Variants in KCNK17 observed in about 807,000 individuals in gnomAD.
The protein encoded by KCNK17 is potassium channel subfamily K member 17.
KCNK17 carries 27 observed loss-of-function variants against 24.6 expected under a neutral mutation model. That is an observed-to-expected ratio of 1.10 (90% CI 0.81 to 1.51). The LOEUF is 1.51. Ranked by LOEUF, KCNK17 falls within the 40% of genes most tolerant of loss-of-function variation. The pLI is 0.00. For synonymous variants in KCNK17, 181 were observed against 189.8 expected (o/e 0.95, Z 0.38); for missense variants, 450 against 436.6 (o/e 1.03, Z -0.27).
chr6:39,305,852 G>A (rs1346442422), intron 2 of KCNK17, among the ~76,000 whole-genome samples: 1 of 152,254 alleles, frequency 6.6e-6, no homozygotes, highest in Admixed American at 6.5e-5. Flanking sequence ...CCTCTATGAA[G>A]AGAGTCTCTC....
chr6:39,299,290 T>C lies in KCNK17; in HGVS notation c.*137A>G. 1.5e-6 allele frequency: 1 copy of C among 667,166 alleles called. No homozygotes were observed. The highest frequency in any genetic ancestry group is 2.7e-5 in the East Asian group (1 of 36,746). 41.3% of individuals were successfully genotyped at this position (667,166 alleles called of 1,614,324 possible). A position where few individuals can be genotyped will look rare whatever the true frequency, so the allele number is the denominator to read the frequency against. On this transcript the variant is annotated 3_prime_UTR_variant, in exon 5 of 5. Transcript: ENST00000373231. ...CAGGACATGTCTCTGTATACCCTAT[T>C]GGGCAGAATTAATCATATAGCTGCA... is the stretch of plus-strand genomic sequence containing the variant.
In KCNK17 at chr6:39,301,928, G is replaced by A. The variant is rs192197735; in HGVS notation, c.688+2029C>T. ...GGACAAGGAGACCTGAGAGGTTTGAGGAATAGGCATGGAAGACTCTGAAAC... is the reference window on the plus strand; with the variant it reads ...GGACAAGGAGACCTGAGAGGTTTGAAGAATAGGCATGGAAGACTCTGAAAC... On this transcript the variant is annotated intron_variant, in intron 4 of 4. Coordinates refer to ENST00000373231, the MANE Select transcript of KCNK17 (RefSeq NM_031460.4). Among the ~76,000 whole-genome samples the A allele has an allele frequency of 2.9e-3, 442 of 152,334 alleles. 2 individuals carry two copies. Among genetic ancestry groups the A allele is most frequent in the Non-Finnish European group, 5.0e-3 (340 of 68,040 alleles).
At chr6:39,302,013 G>T (rs1761958952) in intron 4 of KCNK17, among the ~76,000 whole-genome samples, 1 of 152,204 alleles carries the variant, frequency 6.6e-6, no homozygotes, top group South Asian at 2.1e-4. Flanking sequence ...TGACTTACTT[G>T]CTCTATGACC....
chr6:39,300,651 T>C, intron 4 of KCNK17: 1 of 948,162 alleles, frequency 1.1e-6, no homozygotes, highest in Non-Finnish European at 1.6e-6. Flanking sequence ...CCCTTGGCTT[T>C]TAGGATGAAG....
Position 39,299,265 on chromosome 6 carries a change from C to T in KCNK17, c.*162G>A, listed in dbSNP as rs2113832614. On this transcript the variant is annotated 3_prime_UTR_variant, in exon 5 of 5. Coordinates refer to ENST00000373231, the MANE Select transcript of KCNK17 (RefSeq NM_031460.4). The stretch of plus-strand genomic sequence containing the variant: ...CCCGAAAGTCACATCCCATGTCACC[C>T]AGGACATGTCTCTGTATACCCTATT... 2 of 611,314 alleles carry T rather than the reference C, an allele frequency of 3.3e-6. No individual in the cohort carries two copies. The highest frequency in any genetic ancestry group is 5.7e-6 in the Non-Finnish European group (2 of 350,752). The allele number at this position is 611,314 out of a possible 1,614,324, so 37.9% of individuals were successfully genotyped here.
chr6:39,299,513 G>C lies in KCNK17; in HGVS notation c.913C>G (p.Gln305Glu). The change falls in exon 5 of 5, where the codon CAA (glutamine) becomes GAA (glutamate). Residue 305 changes from glutamine (Q) to glutamate (E), a missense_variant. Physicochemically the swap from Gln to Glu is conservative, Grantham distance 29. Coordinates refer to ENST00000373231, the MANE Select transcript of KCNK17 (RefSeq NM_031460.4). The stretch of plus-strand genomic sequence containing the variant: ...ATGGGTCCCTCTGGATAGCATCCTT[G>C]CTGTGGGGAGTGGGACTCTGGCTCC... ...DREPESHSPQ[Q>E]GCYPEGPMGI... is the part of the protein sequence containing the mutation. 6.2e-7 allele frequency: 1 copy of C among 1,614,240 alleles called. No homozygotes were observed. The highest frequency in any genetic ancestry group is 8.5e-7 in the Non-Finnish European group (1 of 1,180,040).
At position 39,310,948 on chromosome 6, in the gene KCNK17, C is replaced by T. The variant is rs2113840688; in HGVS notation, c.297G>A (p.Gly99=). The T allele has an allele frequency of 1.2e-6, 2 of 1,610,110 alleles. No individual in the cohort carries two copies. The highest frequency in any genetic ancestry group is 1.7e-6 in the Non-Finnish European group (2 of 1,177,218). ...AGAAGGAGCCCACGAGCTCCCAGCG[C>T]CCCATGCTGGTGGTGTTGCTGAGGA... ...ASLLSNTTSM[G]RWELVGSFFF... The change falls in exon 2 of 5, where the codon GGG becomes GGA. Residue 99 remains glycine, a synonymous_variant. Transcript: ENST00000373231.
chr6:39,311,002 G>A lies in KCNK17; in HGVS notation c.243C>T (p.Val81=), dbSNP rs368724952. ...TGGCTCCGTTTTTGTATGCTTGGAC[G>A]ACATCCTGGGGAAGAGGCTGCAATG... is the stretch of plus-strand genomic sequence containing the variant. ...RPALDSLIRD[V]VQAYKNGASL... The change falls in exon 2 of 5, where the codon GTC becomes GTT. Residue 81 remains valine, a synonymous_variant. Transcript: ENST00000373231. 5.0e-6 allele frequency: 8 copies of A among 1,599,556 alleles called. No homozygotes were observed. The highest frequency in any genetic ancestry group is 3.4e-5 in the Admixed American group (2 of 59,160).
At chr6:39,304,931 A>G (rs1762010296) in intron 2 of KCNK17, among the ~76,000 whole-genome samples, 1 of 152,214 alleles carries the variant, frequency 6.6e-6, no homozygotes, top group South Asian at 2.1e-4. Context: ...GCTAAGCTGC[A>G]TGCATGAGCT....
Position 39,299,693 on chromosome 6 carries a change from C to A in KCNK17, c.733G>T (p.Val245Leu). 1 of 1,614,118 alleles carries A rather than the reference C, an allele frequency of 6.2e-7. No homozygotes were observed. Among genetic ancestry groups the A allele is most frequent in the African/African-American group, 1.3e-5 (1 of 75,022 alleles). ...QRYPLWYKNM[V>L]SLWILFGMAW... ...ATCCCAAAGAGGATCCACAGGGACA[C>A]CATGTTCTTGTACCACAGTGGGTAC... Residue 245 changes from valine (V) to leucine (L), a missense_variant, in exon 5 of 5, where the codon GTG becomes TTG. Coordinates refer to ENST00000373231, the MANE Select transcript of KCNK17 (RefSeq NM_031460.4).
In KCNK17 at chr6:39,299,703, G is replaced by A. The variant is rs767380896; in HGVS notation, c.723C>T (p.Tyr241=). 3.7e-6 allele frequency: 6 copies of A among 1,614,014 alleles called. No homozygotes were observed. The South Asian group carries it at 6.6e-5, about 18-fold the overall frequency. Residue 241 remains tyrosine (Y), a synonymous_variant, in exon 5 of 5, where the codon TAC becomes TAT. Transcript: ENST00000373231. The stretch of plus-strand genomic sequence containing the variant: ...GGATCCACAGGGACACCATGTTCTT[G>A]TACCACAGTGGGTACCTCTGGGAGG... ...MNPSQRYPLW[Y]KNMVSLWILF...
At chr6:39,307,599 A>G (rs894514551) in intron 2 of KCNK17, among the ~76,000 whole-genome samples, 5 of 152,186 alleles carry the variant, frequency 3.3e-5, no homozygotes, top group Admixed American at 6.5e-5. Flanking sequence ...GGAGGCCTGC[A>G]GCGTTCTCAG....
At chr6:39,311,394 C>G (rs779912555) in intron 1 of KCNK17, among the ~76,000 whole-genome samples, 4 of 152,158 alleles carry the variant, frequency 2.6e-5, no homozygotes, top group Admixed American at 1.3e-4. Flanking sequence ...CCACAAGAGA[C>G]ATGACCCCAG....
intron 1 of KCNK17, 109 bp from the exon 2 acceptor site, chr6:39,311,116 AC>A: frequency 1.7e-6 from 1 of 584,160 alleles, no homozygotes; most frequent in African/African-American, 2.6e-5. Context: ...ACACACACAC[AC>A]ACAAACAAAC....
chr6:39,304,573 G>A lies in KCNK17; in HGVS notation c.435C>T (p.Leu145=), dbSNP rs483353014. Residue 145 remains leucine (L), a synonymous_variant, in exon 3 of 5, where the codon CTC becomes CTT. Transcript: ENST00000373231. ...FFALVGIPLN[L]VVLNRLGHLM... The stretch of plus-strand genomic sequence containing the variant: ...GATGCCCCAGTCGGTTGAGCACCAC[G>A]AGGTTGAGTGGGATCCCCACAAGGG... 3.3e-5 allele frequency: 54 copies of A among 1,614,126 alleles called. 2 individuals carry two copies. The East Asian group carries it at 3.6e-4, about 11-fold the overall frequency.
intron 4 of KCNK17, 59 bp downstream of exon 4, chr6:39,303,898 T>G: frequency 6.4e-7 from 1 of 1,565,890 alleles, no homozygotes; most frequent in Non-Finnish European, 8.7e-7. Flanking sequence ...CGGGAGCAGA[T>G]GAGTGAGAGG....
chr6:39,304,316 A>G (rs2113836156), intron 3 of KCNK17, 179 bp downstream of exon 3: 1 of 767,558 alleles, frequency 1.3e-6, no homozygotes. Context: ...GTCCCACCCC[A>G]TCTCCACCAT....
At position 39,304,593 on chromosome 6, in the gene KCNK17, C is replaced by A; in HGVS notation, c.415G>T (p.Val139Leu). ...ARLFCIFFALVGIPLNLVVLN... is the reference protein window; with the variant it reads ...ARLFCIFFALLGIPLNLVVLN... ...ACCACGAGGTTGAGTGGGATCCCCA[C>A]AAGGGCAAAGAAGATGCAGAAGAGG... The change falls in exon 3 of 5, where the codon GTG (valine) becomes TTG (leucine). Residue 139 changes from valine to leucine, a missense_variant. Coordinates refer to ENST00000373231, the MANE Select transcript of KCNK17 (RefSeq NM_031460.4). 3.1e-6 allele frequency: 5 copies of A among 1,614,142 alleles called. No individual in the cohort carries two copies. Among genetic ancestry groups the A allele is most frequent in the Non-Finnish European group, 4.2e-6 (5 of 1,179,988 alleles).
At position 39,304,667 on chromosome 6, in the gene KCNK17, G is replaced by C; in HGVS notation, c.353-12C>G. 1 of 1,604,412 alleles carries C rather than the reference G, an allele frequency of 6.2e-7. No individual in the cohort carries two copies. The highest frequency in any genetic ancestry group is 2.2e-5 in the East Asian group (1 of 44,538). On this transcript the variant is annotated splice_polypyrimidine_tract_variant and intron_variant, in intron 2 of 4. Coordinates refer to ENST00000373231, the MANE Select transcript of KCNK17 (RefSeq NM_031460.4). Reference sequence around the variant, plus strand: ...CAGGTTGCCATAGCCTGAGGTGAGAGGGGGCACTCAGGGGACATTTCCAGC... The same window carrying C: ...CAGGTTGCCATAGCCTGAGGTGAGACGGGGCACTCAGGGGACATTTCCAGC...
Sources: gnomAD v4.1 joint callset for allele counts (sites outside exome capture counted in the v4.1 genomes callset) on GRCh38, gnomAD v4.1.1 for gene constraint, MANE v1.5 for transcripts, NCBI Gene and HGNC (gene_info 2026-07-23, HGNC 2026-07-21) for gene names.